The following IL1RL1 variants were observed in gnomAD, a reference collection of about 807,000 sequenced individuals.
IL1RL1 encodes interleukin-1 receptor-like 1.
A neutral mutation model predicts 50.9 loss-of-function variants in IL1RL1; 32 were observed. The observed-to-expected ratio is 0.63, with a 90% confidence interval of 0.47 to 0.84. The LOEUF (loss-of-function observed/expected upper bound fraction) is 0.84. Ranked by LOEUF, IL1RL1 falls within the 40% of genes least tolerant of loss-of-function variation. IL1RL1 has a pLI of 0.00. For synonymous variants in IL1RL1, 275 were observed against 236.0 expected (o/e 1.17, Z -1.51); for missense variants, 773 against 662.9 (o/e 1.17, Z -1.82).
intron 5 of IL1RL1, among the ~76,000 whole-genome samples, chr2:102,341,720 TCCA>T (rs1677571962): frequency 6.6e-6 from 1 of 152,130 alleles, no homozygotes; most frequent in Non-Finnish European, 1.5e-5. Context: ...GCAGCAGTGC[TCCA>T]TAAGCACTGC....
intron 5 of IL1RL1, 106 bp from the exon 6 acceptor site, chr2:102,342,117 C>T: frequency 3.2e-6 from 2 of 627,404 alleles, no homozygotes; most frequent in Admixed American, 2.6e-5. Context: ...GTCAGAAGAA[C>T]TTGAAAAACA....
intron 1 of IL1RL1, among the ~76,000 whole-genome samples, chr2:102,311,980 AATATATATT>A (rs1676512330): frequency 5.5e-5 from 2 of 36,604 alleles, no homozygotes; most frequent in African/African-American, 4.0e-4. Flanking sequence ...TATTATATAT[AATATATATT>A]ATATATAATA....
chr2:102,325,055 C>T (rs1436162876), intron 1 of IL1RL1, among the ~76,000 whole-genome samples: 1 of 152,184 alleles, frequency 6.6e-6, no homozygotes, highest in East Asian at 1.9e-4. Flanking sequence ...ACTGCCTCCT[C>T]AAGTAGGTCC....
Position 102,338,997 on chromosome 2 carries a change from TC to T in IL1RL1, c.223del (p.Leu75TyrfsTer43), listed in dbSNP as rs1677439247. On this transcript the variant is annotated frameshift_variant, in exon 3 of 11. Transcript: ENST00000233954. LOFTEE classifies it high-confidence loss of function. Reference sequence around the variant, plus strand: ...TTGCCTCAGGCCAACTTCTGAAGTTTCTACCAGCTGCAGTTGCTGATTCTGG... The same window carrying T: ...TTGCCTCAGGCCAACTTCTGAAGTTTTACCAGCTGCAGTTGCTGATTCTGG... ...VFASGQLLKF[L>X]PAAVADSGIY... The T allele has an allele frequency of 6.2e-7, 1 of 1,613,900 alleles. No homozygotes were observed. Among genetic ancestry groups the T allele is most frequent in the South Asian group, 1.1e-5 (1 of 91,086 alleles).
rs1292082033 is a variant in IL1RL1 at position 102,312,654 on chromosome 2, G to A, written c.-150+1031G>A. Reference sequence around the variant, plus strand: ...CATCTGCAAGAAGAAAATAGAGAACGGACATGAGAGGGGTGGATATGAGGA... The same window carrying A: ...CATCTGCAAGAAGAAAATAGAGAACAGACATGAGAGGGGTGGATATGAGGA... On this transcript the variant is annotated intron_variant, in intron 1 of 10. Transcript: ENST00000233954. 3.3e-5 allele frequency among the ~76,000 whole-genome samples: 5 copies of A among 152,154 alleles called. 1 individual carries two copies. The highest frequency in any genetic ancestry group is 1.2e-4 in the African/African-American group (5 of 41,498).
chr2:102,326,152 T>G (rs1676991334), intron 1 of IL1RL1, among the ~76,000 whole-genome samples: 1 of 152,254 alleles, frequency 6.6e-6, no homozygotes, highest in Non-Finnish European at 1.5e-5. Context: ...AAAGCTGATC[T>G]CTTGGCAGAA....
intron 1 of IL1RL1, among the ~76,000 whole-genome samples, chr2:102,328,399 A>C (rs1345181011): frequency 6.6e-6 from 1 of 152,192 alleles, no homozygotes; most frequent in African/African-American, 2.4e-5. Flanking sequence ...AGCCAATATC[A>C]TACTGAATGG....
chr2:102,317,766 G>T (rs1399281149), intron 1 of IL1RL1, among the ~76,000 whole-genome samples: 1 of 152,012 alleles, frequency 6.6e-6, no homozygotes, highest in Non-Finnish European at 1.5e-5. Context: ...TGCCATGGAG[G>T]AAAAAAATCA....
rs932895817 is a variant in IL1RL1 at position 102,342,203 on chromosome 2, T to C, written c.611-20T>C. The C allele has an allele frequency of 6.4e-7, 1 of 1,550,410 alleles. No individual in the cohort carries two copies. The highest frequency in any genetic ancestry group is 8.9e-7 in the Non-Finnish European group (1 of 1,122,988). ...GCATTCAATGCTCTCCTAATATTTA[T>C]ATTTCTTTTTGTCTTTAAGATGAGC... is the stretch of plus-strand genomic sequence containing the variant. On this transcript the variant is annotated intron_variant, in intron 5 of 10. Coordinates refer to ENST00000233954, the MANE Select transcript of IL1RL1 (RefSeq NM_016232.5).
intron 1 of IL1RL1, among the ~76,000 whole-genome samples, chr2:102,334,543 A>T (rs902153507): frequency 2.6e-5 from 4 of 152,112 alleles, no homozygotes; most frequent in African/African-American, 7.2e-5. Flanking sequence ...AAAAAAAAAT[A>T]AAAAAACAGA....
At chr2:102,348,167 T>C (rs1677834344) in intron 9 of IL1RL1, 76 bp downstream of exon 9, 12 of 1,151,922 alleles carry the variant, frequency 1.0e-5, no homozygotes, top group Non-Finnish European at 1.5e-5. Flanking sequence ...CTATTAATCT[T>C]TCAGTAGCTA....
chr2:102,319,499 G>A (rs1676776002), intron 1 of IL1RL1, among the ~76,000 whole-genome samples: 2 of 152,016 alleles, frequency 1.3e-5, no homozygotes, highest in South Asian at 4.1e-4. Context: ...TTTGATGAGG[G>A]GATAAAATGT....
intron 1 of IL1RL1, among the ~76,000 whole-genome samples, chr2:102,317,358 A>C (rs1281595692): frequency 6.6e-6 from 1 of 152,172 alleles, no homozygotes; most frequent in Non-Finnish European, 1.5e-5. Context: ...TGTCTCAAAA[A>C]AAAAAGTTTC....
chr2:102,326,713 G>T (rs987091647), intron 1 of IL1RL1, among the ~76,000 whole-genome samples: 1 of 152,058 alleles, frequency 6.6e-6, no homozygotes, highest in Non-Finnish European at 1.5e-5. Flanking sequence ...CCTAGTCTCT[G>T]ATAAAACAGA....
chr2:102,326,916 C>T (rs1443292995), intron 1 of IL1RL1, among the ~76,000 whole-genome samples: 2 of 152,256 alleles, frequency 1.3e-5, no homozygotes, highest in East Asian at 1.9e-4. Flanking sequence ...GAGACTTTAA[C>T]ACCCCACTGG....
chr2:102,325,076 A>C (rs1676955696), intron 1 of IL1RL1, among the ~76,000 whole-genome samples: 1 of 152,212 alleles, frequency 6.6e-6, no homozygotes, highest in Non-Finnish European at 1.5e-5. Flanking sequence ...CTGACCCCCG[A>C]GTAGCCTAAC....
At position 102,351,629 on chromosome 2, in the gene IL1RL1, A is replaced by G. The variant is rs1467444054; in HGVS notation, c.1379A>G (p.Tyr460Cys). The change falls in exon 11 of 11, where the codon TAC (tyrosine) becomes TGC (cysteine). Residue 460 changes from tyrosine (Y) to cysteine (C), a missense_variant. Tyr to Cys is a radical substitution (Grantham distance 194). Transcript: ENST00000233954. ...ATCACTCACAATAAGGAGTTTGCCT[A>G]CGAGCAGGAGGTTGCCCTGCACTGT... ...PQITHNKEFA[Y>C]EQEVALHCAL... is the part of the protein sequence containing the mutation. 2 of 1,614,136 alleles carry G rather than the reference A, an allele frequency of 1.2e-6. No homozygotes were observed. Among genetic ancestry groups the G allele is most frequent in the Admixed American group, 1.7e-5 (1 of 60,010 alleles).
intron 3 of IL1RL1, chr2:102,339,276 G>A (rs1677452397): frequency 2.2e-6 from 1 of 462,646 alleles, no homozygotes; most frequent in Non-Finnish European, 3.9e-6. Context: ...TTGATTTGTA[G>A]CTGACTTAGA....
At chr2:102,327,448 GAGAAGCA>G in intron 1 of IL1RL1, among the ~76,000 whole-genome samples, 1 of 151,952 alleles carries the variant, frequency 6.6e-6, no homozygotes, top group African/African-American at 2.4e-5. Context: ...AAAAGAACTA[GAGAAGCA>G]AGAGCAAACA....
Sources: allele counts gnomAD v4.1 joint callset (sites outside exome capture counted in the v4.1 genomes callset), GRCh38; gene constraint gnomAD v4.1.1; transcripts MANE v1.5; gene names NCBI Gene and HGNC (gene_info 2026-07-23, HGNC 2026-07-21).